Variants in LAMA3 observed in about 807,000 individuals in gnomAD.
The protein encoded by LAMA3 is laminin subunit alpha-3.
A neutral mutation model predicts 402.0 loss-of-function variants in LAMA3; 281 were observed. The ratio of observed to expected loss-of-function variants is 0.70; its 90% CI spans 0.63 to 0.77. The LOEUF is 0.77. Among genes scored for constraint, LAMA3 ranks in the 30% least tolerant of loss-of-function variants. The probability of loss-of-function intolerance (pLI) is 0.00; values close to 1 mark genes in which losing one functional copy is unlikely to be tolerated. For missense variants in LAMA3, 3,840 were observed against 4,215.5 expected, an observed-to-expected ratio of 0.91 and a Z score of 2.47; for synonymous variants, 1,431 against 1,558.4, an observed-to-expected ratio of 0.92 and a Z score of 1.93.
At position 23,899,070 on chromosome 18, in the gene LAMA3, G is replaced by A; in HGVS notation, c.5836+5G>A. 2 of 1,606,798 alleles carry A rather than the reference G, an allele frequency of 1.2e-6. No individual in the cohort carries two copies. The highest frequency in any genetic ancestry group is 1.7e-6 in the Non-Finnish European group (2 of 1,173,466). ...ATGTCATCCGGAATGTGCACAGTAA[G>A]AAGAGTTATTAAGCCCAATTACATT... On this transcript the variant is annotated splice_donor_5th_base_variant and intron_variant, in intron 46 of 74. Coordinates refer to ENST00000313654, the MANE Select transcript of LAMA3 (RefSeq NM_198129.4).
At position 23,916,586 on chromosome 18, in the gene LAMA3, G is replaced by A. The variant is rs770923157; in HGVS notation, c.7814G>A (p.Gly2605Asp). The A allele has an allele frequency of 1.2e-6, 2 of 1,613,972 alleles. No individual in the cohort carries two copies. The highest frequency in any genetic ancestry group is 1.7e-6 in the Non-Finnish European group (2 of 1,179,990). ...GAGTCAGACAAAAATTATTTTGAAGGTACGGGCTATGCTCGAGTTCCAACT... is the reference window on the plus strand; with the variant it reads ...GAGTCAGACAAAAATTATTTTGAAGATACGGGCTATGCTCGAGTTCCAACT... ...KEESDKNYFEGTGYARVPTQP... is the reference protein window; with the variant it reads ...KEESDKNYFEDTGYARVPTQP... Residue 2605 changes from glycine (G) to aspartate (D), a missense_variant, in exon 60 of 75, where the codon GGT becomes GAT. Gly to Asp is a moderately conservative substitution (Grantham distance 94, BLOSUM62 -1). This residue lies in a region of LAMA3 where 840 missense variants were observed against 981.9 expected (regional missense o/e 0.86). Coordinates refer to ENST00000313654, the MANE Select transcript of LAMA3 (RefSeq NM_198129.4).
chr18:23,867,722 T>A, intron 36 of LAMA3, 112 bp from the exon 37 acceptor site: 2 of 832,322 alleles, frequency 2.4e-6, no homozygotes, highest in Non-Finnish European at 4.2e-6. Context: ...ACTATTTTTT[T>A]AAGTCAGGTA....
chr18:23,917,953 T>C (rs1317425293), intron 60 of LAMA3, among the ~76,000 whole-genome samples: 1 of 152,178 alleles, frequency 6.6e-6, no homozygotes, highest in Non-Finnish European at 1.5e-5. Context: ...GGCCTATTTC[T>C]ATAATGGTAT....
chr18:23,774,930 A>G (rs1380951875), intron 9 of LAMA3, among the ~76,000 whole-genome samples: 1 of 152,236 alleles, frequency 6.6e-6, no homozygotes, highest in Non-Finnish European at 1.5e-5. Flanking sequence ...GACATTGCCA[A>G]TGTAATTGTA....
Position 23,748,013 on chromosome 18 carries a change from G to C in LAMA3, c.518G>C (p.Arg173Thr). ...SPRPDLWVLE[R>T]SVDFGSTYSP... ...CGCCCTGATCTTTGGGTCTTGGAAA[G>C]ATCTGTAGACTTTGGAAGCACCTAC... The change falls in exon 3 of 75, where the codon AGA becomes ACA. Residue 173 changes from arginine (R) to threonine (T), a missense_variant. Transcript: ENST00000313654. 1 of 1,613,708 alleles carries C rather than the reference G, an allele frequency of 6.2e-7. No homozygotes were observed. The highest frequency in any genetic ancestry group is 8.5e-7 in the Non-Finnish European group (1 of 1,179,602).
chr18:23,890,607 T>A (rs1189322261), intron 42 of LAMA3, among the ~76,000 whole-genome samples: 3 of 152,188 alleles, frequency 2.0e-5, no homozygotes, highest in African/African-American at 7.2e-5. Context: ...TAGTATGGTT[T>A]ATTAGGAGCA....
intron 2 of LAMA3, among the ~76,000 whole-genome samples, chr18:23,715,959 T>C (rs2061090966): frequency 6.6e-6 from 1 of 152,202 alleles, no homozygotes; most frequent in East Asian, 1.9e-4. Flanking sequence ...CTTTAGTCCA[T>C]GTGTTGTGCT....
intron 16 of LAMA3, 73 bp from the exon 17 acceptor site, chr18:23,815,395 C>A: frequency 7.0e-7 from 1 of 1,420,416 alleles, no homozygotes; most frequent in South Asian, 1.1e-5. Flanking sequence ...TACAGTGAGG[C>A]AGTTTTCAAT....
chr18:23,878,736 C>T (rs2064804419), intron 39 of LAMA3, among the ~76,000 whole-genome samples: 1 of 152,244 alleles, frequency 6.6e-6, no homozygotes, highest in Non-Finnish European at 1.5e-5. Context: ...AAATGTTTAA[C>T]ATCAGGACCT....
intron 23 of LAMA3, among the ~76,000 whole-genome samples, chr18:23,828,765 A>T (rs765063940): frequency 2.0e-5 from 3 of 152,208 alleles, no homozygotes; most frequent in Non-Finnish European, 4.4e-5. Flanking sequence ...GAAATATTTT[A>T]TTTCACTATC....
chr18:23,799,838 A>G (rs2062836159), intron 12 of LAMA3, among the ~76,000 whole-genome samples: 1 of 152,218 alleles, frequency 6.6e-6, no homozygotes, highest in Non-Finnish European at 1.5e-5. Flanking sequence ...ACTGAAGGCC[A>G]AGAAAAGAGT....
At chr18:23,803,161 T>G (rs1468752290) in intron 12 of LAMA3, among the ~76,000 whole-genome samples, 1 of 152,238 alleles carries the variant, frequency 6.6e-6, no homozygotes, top group African/African-American at 2.4e-5. Flanking sequence ...AAGGAATTTC[T>G]GTATCCAAGT....
At chr18:23,780,984 C>T (rs1448478818) in intron 11 of LAMA3, among the ~76,000 whole-genome samples, 1 of 152,138 alleles carries the variant, frequency 6.6e-6, no homozygotes, top group Non-Finnish European at 1.5e-5. Flanking sequence ...AGGAAGTTCT[C>T]AAAATAATCC....
intron 67 of LAMA3, among the ~76,000 whole-genome samples, chr18:23,937,388 A>G (rs1407364720): frequency 6.8e-6 from 1 of 147,690 alleles, no homozygotes; most frequent in South Asian, 2.1e-4. Flanking sequence ...AAAAAAAAAA[A>G]AAAAAAAAAA....
intron 5 of LAMA3, among the ~76,000 whole-genome samples, chr18:23,752,850 G>C (rs528023508): frequency 6.6e-6 from 1 of 152,332 alleles, no homozygotes; most frequent in Admixed American, 6.5e-5. Flanking sequence ...AAACCCTCTT[G>C]TCCTTGCGAA....
At chr18:23,816,267 A>T (rs1167870523) in intron 17 of LAMA3, 121 bp from the exon 18 acceptor site, 2 of 753,774 alleles carry the variant, frequency 2.7e-6, no homozygotes, top group Non-Finnish European at 2.4e-6. Context: ...CAGATGTGGC[A>T]GAGGAAAGAA....
intron 6 of LAMA3, 116 bp downstream of exon 6, chr18:23,753,928 A>ATTGATCCT: frequency 1.3e-6 from 1 of 752,158 alleles, no homozygotes; most frequent in Non-Finnish European, 2.4e-6. Flanking sequence ...GGAATGATTC[A>ATTGATCCT]GGATCAATGA....
At chr18:23,836,405 C>T (rs868767778) in intron 24 of LAMA3, among the ~76,000 whole-genome samples, 3 of 152,108 alleles carry the variant, frequency 2.0e-5, no homozygotes, top group African/African-American at 2.4e-5. Context: ...AGGGTTTTAA[C>T]GTTAGAGTTA....
At position 23,899,071 on chromosome 18, in the gene LAMA3, AAG is replaced by A. The variant is rs2080977222; in HGVS notation, c.5836+9_5836+10del. The A allele has an allele frequency of 6.2e-7, 1 of 1,600,638 alleles. No homozygotes were observed. The highest frequency in any genetic ancestry group is 8.6e-7 in the Non-Finnish European group (1 of 1,167,928). Reference sequence around the variant, plus strand: ...TGTCATCCGGAATGTGCACAGTAAGAAGAGTTATTAAGCCCAATTACATTTTT... The same window carrying A: ...TGTCATCCGGAATGTGCACAGTAAGAAGTTATTAAGCCCAATTACATTTTT... On this transcript the variant is annotated splice_region_variant and intron_variant, in intron 46 of 74. Transcript: ENST00000313654.
Sources: gnomAD v4.1 joint callset for allele counts (sites outside exome capture counted in the v4.1 genomes callset) on GRCh38, gnomAD v4.1.1 for gene constraint, gnomAD v4.1.1 regional missense constraint, MANE v1.5 for transcripts, NCBI Gene and HGNC (gene_info 2026-07-23, HGNC 2026-07-21) for gene names.